CUL2: variants seen among roughly 807,000 people sequenced by gnomAD.
CUL2 encodes cullin 2.
In CUL2, 22 loss-of-function variants were observed where a neutral mutation model predicts 110.2. The observed-to-expected ratio is 0.20, with a 90% CI of 0.14 to 0.28. The LOEUF (loss-of-function observed/expected upper bound fraction) is 0.28, where lower values mean the gene tolerates loss of function less well. CUL2 is among the 10% of genes least tolerant of loss of function. The pLI, the probability that CUL2 is intolerant of heterozygous loss-of-function variation, is 1.00. For missense variants in CUL2, 631 were observed against 905.5 expected (o/e 0.70, Z 3.89); for synonymous variants, 279 against 293.2 (o/e 0.95, Z 0.49).
intron 20 of CUL2, among the ~76,000 whole-genome samples, chr10:35,010,660 T>G (rs1168726985): frequency 6.6e-6 from 1 of 152,176 alleles, no homozygotes; most frequent in Admixed American, 6.6e-5. Context: ...ACCTAAGTAC[T>G]CACACACAAC....
At chr10:35,016,942 A>C (rs899749701) in intron 17 of CUL2, among the ~76,000 whole-genome samples, 28 of 151,130 alleles carry the variant, frequency 1.9e-4, no homozygotes, top group East Asian at 3.9e-4. Context: ...AAAAAAAAAA[A>C]CAAAAAAAAA....
At chr10:35,072,718 A>G (rs780022720) in intron 1 of CUL2, among the ~76,000 whole-genome samples, 1 of 152,208 alleles carries the variant, frequency 6.6e-6, no homozygotes, top group Non-Finnish European at 1.5e-5. Context: ...GACAAACTGC[A>G]TTTAGGAATT....
At chr10:35,018,592 C>G (rs927825570) in intron 17 of CUL2, among the ~76,000 whole-genome samples, 1 of 151,616 alleles carries the variant, frequency 6.6e-6, no homozygotes, top group African/African-American at 2.4e-5. Flanking sequence ...GGAGAAACCC[C>G]GTCTCTACTA....
intron 17 of CUL2, among the ~76,000 whole-genome samples, chr10:35,021,139 T>C (rs528480911): frequency 2.2e-4 from 34 of 152,096 alleles, no homozygotes; most frequent in African/African-American, 8.0e-4. Flanking sequence ...ACAGAAGACT[T>C]TGTAGGGAGC....
chr10:35,088,609 C>T (rs570188877), intron 1 of CUL2, among the ~76,000 whole-genome samples: 92 of 151,360 alleles, frequency 6.1e-4, no homozygotes, highest in African/African-American at 2.1e-3. Flanking sequence ...AAATATCTGT[C>T]AACTGCCAGA....
chr10:35,060,668 A>G (rs1282256650), intron 4 of CUL2, among the ~76,000 whole-genome samples: 5 of 152,232 alleles, frequency 3.3e-5, no homozygotes, highest in African/African-American at 4.8e-5. Flanking sequence ...TACTTTTCAC[A>G]GAACGTTCCA....
chr10:35,061,957 GAC>G, intron 3 of CUL2, among the ~76,000 whole-genome samples: 2 of 152,226 alleles, frequency 1.3e-5, no homozygotes, highest in South Asian at 4.1e-4. Flanking sequence ...TGCAGGGTTA[GAC>G]AGTTTAAATA....
At chr10:35,106,140 A>G (rs1019956874) in intron 1 of CUL2, among the ~76,000 whole-genome samples, 1 of 152,092 alleles carries the variant, frequency 6.6e-6, no homozygotes, top group Non-Finnish European at 1.5e-5. Flanking sequence ...GGTCTTCTGA[A>G]TGGGATTAGT....
At position 35,119,011 on chromosome 10, in the gene CUL2, C is replaced by T. The variant is rs528453250; in HGVS notation, c.-51+7594G>A. ...CAATCCACACTCACACACCACACTT[C>T]CAAATGTCTTGGCTGGTTCTTTTTT... On this transcript the variant is annotated intron_variant, in intron 1 of 5. Coordinates refer to the CUL2 transcript ENST00000685421. Among the ~76,000 whole-genome samples, 7 of 152,348 alleles carry T rather than the reference C, an allele frequency of 4.6e-5. 1 individual carries two copies. The highest frequency in any genetic ancestry group is 1.2e-4 in the African/African-American group (5 of 41,572).
chr10:35,069,457 C>T (rs1438415531), intron 2 of CUL2, among the ~76,000 whole-genome samples: 1 of 151,916 alleles, frequency 6.6e-6, no homozygotes, highest in Non-Finnish European at 1.5e-5. Flanking sequence ...AGGAGGATCT[C>T]TTGAGCCTAG....
At chr10:35,023,321 C>T (rs2085250751) in intron 17 of CUL2, among the ~76,000 whole-genome samples, 1 of 151,572 alleles carries the variant, frequency 6.6e-6, no homozygotes, top group African/African-American at 2.4e-5. Flanking sequence ...TTCGGTGACT[C>T]AAAACAAAAA....
chr10:35,062,858 C>G, intron 3 of CUL2, 102 bp downstream of exon 3: 1 of 691,642 alleles, frequency 1.4e-6, no homozygotes, highest in South Asian at 1.9e-5. Flanking sequence ...GCAGCAGCAG[C>G]AAAACAAGCT....
chr10:35,105,484 A>G (rs2087442732), intron 1 of CUL2, among the ~76,000 whole-genome samples: 2 of 151,426 alleles, frequency 1.3e-5, no homozygotes, highest in East Asian at 3.9e-4. Flanking sequence ...CACGCCAGTA[A>G]TCCCGCACTT....
intron 4 of CUL2, 80 bp downstream of exon 4, chr10:35,060,794 G>C (rs924327630): frequency 1.0e-5 from 11 of 1,087,342 alleles, no homozygotes; most frequent in Middle Eastern, 2.1e-4. Flanking sequence ...ATGAGAAATA[G>C]GCAATAAAAA....
chr10:35,025,747 G>A (rs1244144068), intron 16 of CUL2, among the ~76,000 whole-genome samples: 2 of 152,128 alleles, frequency 1.3e-5, no homozygotes, highest in African/African-American at 4.8e-5. Flanking sequence ...TCCCTGGACT[G>A]AATGTGTAAT....
intron 1 of CUL2, among the ~76,000 whole-genome samples, chr10:35,082,249 A>C (rs1208466430): frequency 6.6e-6 from 1 of 152,232 alleles, no homozygotes; most frequent in Non-Finnish European, 1.5e-5. Flanking sequence ...ATGCTACGAC[A>C]AGGATTAACC....
At chr10:35,122,707 G>T (rs1177560826) in intron 1 of CUL2, among the ~76,000 whole-genome samples, 1 of 152,012 alleles carries the variant, frequency 6.6e-6, no homozygotes, top group Non-Finnish European at 1.5e-5. Flanking sequence ...GCACAATCTT[G>T]GCTCACTGCA....
At chr10:35,059,741 G>A (rs766782272) in intron 4 of CUL2, among the ~76,000 whole-genome samples, 4 of 152,178 alleles carry the variant, frequency 2.6e-5, no homozygotes, top group Admixed American at 6.5e-5. Context: ...AGAATGAAGT[G>A]GTTAAATGGA....
In CUL2 at chr10:35,106,964, GT is replaced by G. The variant is rs1490232295; in HGVS notation, c.-50-5905del. On this transcript the variant is annotated intron_variant, in intron 1 of 5. Transcript: ENST00000685421. ...TGCCCTTAACCTGTTTTTTTTTGTT[GT>G]TTTTTTGTTTGTTTGTTTTTTTGTT... Among the ~76,000 whole-genome samples, 4 of 150,912 alleles carry G rather than the reference GT, an allele frequency of 2.7e-5. No homozygotes were observed. The South Asian group carries it at 8.4e-4, about 32-fold the overall frequency.
Sources: allele counts gnomAD v4.1 joint callset (sites outside exome capture counted in the v4.1 genomes callset), GRCh38; gene constraint gnomAD v4.1.1; transcripts MANE v1.5; gene names NCBI Gene and HGNC (gene_info 2026-07-23, HGNC 2026-07-21).